DYNC2H1: variants seen among roughly 807,000 people sequenced by gnomAD.
DYNC2H1 encodes the protein cytoplasmic dynein 2 heavy chain 1.
DYNC2H1 carries 410 observed loss-of-function variants against 570.0 expected under a neutral mutation model. That is an observed-to-expected ratio of 0.72 (90% CI 0.66 to 0.78). DYNC2H1 has a LOEUF of 0.78. Among genes scored for constraint, DYNC2H1 ranks in the 30% least tolerant of loss-of-function variants. DYNC2H1 has a pLI of 0.00. For missense variants in DYNC2H1, 4,865 were observed against 5,046.4 expected, an observed-to-expected ratio of 0.96 and a Z score of 1.09; for synonymous variants, 1,688 against 1,677.6, an observed-to-expected ratio of 1.01 and a Z score of -0.15.
rs568460672 is a variant in DYNC2H1 at position 103,164,703 on chromosome 11, A to C, written c.4612-1195A>C. ...GGTTATTTCATAATGTTTGCAGAGC[A>C]CACTTAATTGTCATTACATTTTAGG... On this transcript the variant is annotated intron_variant, in intron 30 of 88. Transcript: ENST00000375735. Among the ~76,000 whole-genome samples, 7 of 152,322 alleles carry C rather than the reference A, an allele frequency of 4.6e-5. No individual in the cohort carries two copies. The South Asian group carries it at 1.4e-3, about 32-fold the overall frequency.
chr11:103,356,526 C>G (rs1940350564), intron 82 of DYNC2H1, among the ~76,000 whole-genome samples: 1 of 152,132 alleles, frequency 6.6e-6, no homozygotes, highest in Non-Finnish European at 1.5e-5. Flanking sequence ...TATTTGTTTT[C>G]TGTCATGTTT....
At chr11:103,229,568 C>T (rs1372379028) in intron 59 of DYNC2H1, among the ~76,000 whole-genome samples, 1 of 152,046 alleles carries the variant, frequency 6.6e-6, no homozygotes, top group African/African-American at 2.4e-5. Context: ...TCCACAGTTT[C>T]TCTGTCAGAG....
chr11:103,255,397 T>C lies in DYNC2H1; in HGVS notation c.10207-18T>C. On this transcript the variant is annotated intron_variant, in intron 66 of 88. Coordinates refer to ENST00000375735, the MANE Select transcript of DYNC2H1 (RefSeq NM_001377.3). Reference sequence around the variant, plus strand: ...AAGCCTTATTGCTAGAATTACCTTGTCTTTTTGTTATCCCAAGCTTTTAGC... The same window carrying C: ...AAGCCTTATTGCTAGAATTACCTTGCCTTTTTGTTATCCCAAGCTTTTAGC... 6.5e-7 allele frequency: 1 copy of C among 1,545,990 alleles called. No homozygotes were observed. Among genetic ancestry groups the C allele is most frequent in the South Asian group, 1.2e-5 (1 of 81,644 alleles).
intron 82 of DYNC2H1, among the ~76,000 whole-genome samples, chr11:103,352,199 C>A (rs1302660315): frequency 6.6e-6 from 1 of 151,918 alleles, no homozygotes; most frequent in African/African-American, 2.4e-5. Flanking sequence ...TTTCAGTGAA[C>A]CAACTTTTGG....
chr11:103,417,652 G>A (rs1282960041), intron 84 of DYNC2H1, among the ~76,000 whole-genome samples: 1 of 111,116 alleles, frequency 9.0e-6, no homozygotes, highest in Non-Finnish European at 1.9e-5. Flanking sequence ...GTCAAGGCAG[G>A]CAGATCAGAG....
chr11:103,364,674 G>C (rs1014426171), intron 83 of DYNC2H1, among the ~76,000 whole-genome samples: 3 of 150,156 alleles, frequency 2.0e-5, no homozygotes, highest in Non-Finnish European at 4.4e-5. Context: ...TCTATAGGTT[G>C]TGGTTCCAAC....
At position 103,239,359 on chromosome 11, in the gene DYNC2H1, C is replaced by T. The variant is rs1352385370; in HGVS notation, c.9819+2820C>T. 1.3e-5 allele frequency among the ~76,000 whole-genome samples: 2 copies of T among 152,204 alleles called. No individual in the cohort carries two copies. Among genetic ancestry groups the T allele is most frequent in the East Asian group, 1.9e-4 (1 of 5,188 alleles). ...CTTCTCCACATAGGAAAAAGTTTTT[C>T]AATCCTTACATAAGTAATAACAATA... On this transcript the variant is annotated intron_variant, in intron 63 of 88. Transcript: ENST00000375735. This position sits in a 1 kb window ranked among gnomAD's most constrained non-coding sequence, Gnocchi z 4.3.
chr11:103,154,520 C>G lies in DYNC2H1; in HGVS notation c.3372C>G (p.Ile1124Met), dbSNP rs774300457. 3.2e-6 allele frequency: 5 copies of G among 1,579,338 alleles called. No homozygotes were observed. In the East Asian group the frequency reaches 1.1e-4, roughly 36 times the overall value. ...FSLASSISKD[I>M]ESCAQIWAFY... The stretch of plus-strand genomic sequence containing the variant: ...TGGCAAGTAGTATCTCTAAAGATAT[C>G]GAGAGCTGTGCCCAAATTTGGGCCT... Residue 1124 changes from isoleucine to methionine, a missense_variant, in exon 23 of 89, where the codon ATC becomes ATG. Physicochemically the swap from Ile to Met is conservative, Grantham distance 10. This residue lies in a region of DYNC2H1 where 1,936 missense variants were observed against 1,962.1 expected (regional missense o/e 0.99). Transcript: ENST00000375735.
chr11:103,165,901 T>A lies in DYNC2H1; in HGVS notation c.4615T>A (p.Leu1539Ile). Residue 1539 changes from leucine to isoleucine, a missense_variant, in exon 31 of 89, where the codon TTA (leucine) becomes ATA (isoleucine). By Grantham distance (5) the Leu-to-Ile change is conservative (BLOSUM62 2). Transcript: ENST00000375735. ...AATTTTTCTCTTTATTCAATAGATT[T>A]TATGCTTGGCGGAGCAGATTAAATT... Reference protein sequence around the residue: ...VDPSLFPSQILCLAEQIKFTE... With the variant: ...VDPSLFPSQIICLAEQIKFTE... 6.8e-7 allele frequency: 1 copy of A among 1,473,278 alleles called. No individual in the cohort carries two copies. The highest frequency in any genetic ancestry group is 9.0e-7 in the Non-Finnish European group (1 of 1,113,644). 91.3% of individuals were successfully genotyped at this position (1,473,278 alleles called of 1,614,324 possible).
chr11:103,287,307 C>T (rs1866389508), intron 74 of DYNC2H1, among the ~76,000 whole-genome samples: 1 of 152,104 alleles, frequency 6.6e-6, no homozygotes, highest in African/African-American at 2.4e-5. Context: ...ACCCTGTTTA[C>T]TTTTGATGAT....
rs1381107603 is a variant in DYNC2H1 at position 103,472,667 on chromosome 11, C to A, written c.12765+3962C>A. Among the ~76,000 whole-genome samples, 1 of 151,892 alleles carries A rather than the reference C, an allele frequency of 6.6e-6. No homozygotes were observed. The highest frequency in any genetic ancestry group is 1.5e-5 in the Non-Finnish European group (1 of 68,000). On this transcript the variant is annotated intron_variant, in intron 88 of 88. Transcript: ENST00000375735. This position sits in a 1 kb window ranked among gnomAD's most constrained non-coding sequence, Gnocchi z 4.1. ...TTATTTGCACTGATTACATACCAAG[C>A]ACTATGCAAGGTGTTTCAAATACAA...
At chr11:103,383,050 C>G (rs1417144710) in intron 83 of DYNC2H1, among the ~76,000 whole-genome samples, 1 of 152,124 alleles carries the variant, frequency 6.6e-6, no homozygotes, top group African/African-American at 2.4e-5. Context: ...CCCCTCGGAG[C>G]CAGACTTAGA....
chr11:103,314,645 A>G, intron 79 of DYNC2H1, among the ~76,000 whole-genome samples: 1 of 151,964 alleles, frequency 6.6e-6, no homozygotes, highest in African/African-American at 2.4e-5. Flanking sequence ...TCACTTTCCC[A>G]CAAAAAAAAA....
intron 36 of DYNC2H1, among the ~76,000 whole-genome samples, chr11:103,175,082 C>T (rs1861747671): frequency 1.3e-5 from 2 of 151,952 alleles, no homozygotes; most frequent in South Asian, 4.2e-4. Flanking sequence ...CTATACTTTC[C>T]TCATATAAAA....
chr11:103,478,218 T>C (rs1430731403), intron 88 of DYNC2H1, among the ~76,000 whole-genome samples: 1 of 152,238 alleles, frequency 6.6e-6, no homozygotes, highest in East Asian at 1.9e-4. Flanking sequence ...CTAGGAAACA[T>C]TCACTGTTTT....
intron 63 of DYNC2H1, among the ~76,000 whole-genome samples, chr11:103,237,487 G>A (rs1185868842): frequency 6.6e-6 from 1 of 151,980 alleles, no homozygotes; most frequent in African/African-American, 2.4e-5. Flanking sequence ...TAGAGAAGTT[G>A]CTGACCACTA....
rs1016461926 is a variant in DYNC2H1, at chr11:103,254,343, G to T, written c.10206+895G>T. Among the ~76,000 whole-genome samples the T allele has an allele frequency of 6.6e-6, 1 of 152,142 alleles. No individual in the cohort carries two copies. Among genetic ancestry groups the T allele is most frequent in the Non-Finnish European group, 1.5e-5 (1 of 68,012 alleles). On this transcript the variant is annotated intron_variant, in intron 66 of 88. Transcript: ENST00000375735. The surrounding 1 kb of genome is among the most constrained non-coding windows in gnomAD (Gnocchi z 4.9). ...GAGCTATGTAGGTCTTACTTAGCAA[G>T]AACTAAATGAAGATGCTTATACAGC...
chr11:103,259,472 C>A (rs1865183114), intron 69 of DYNC2H1, among the ~76,000 whole-genome samples: 1 of 152,060 alleles, frequency 6.6e-6, no homozygotes, highest in African/African-American at 2.4e-5. Flanking sequence ...GATTTAAGAT[C>A]ATTGAGGTTC....
chr11:103,274,094 A>T (rs1427588202), intron 70 of DYNC2H1, among the ~76,000 whole-genome samples: 1 of 151,962 alleles, frequency 6.6e-6, no homozygotes, highest in Non-Finnish European at 1.5e-5. Context: ...GGCTAAAATA[A>T]ATGTAGTAGT....
Sources: gnomAD v4.1 joint callset for allele counts (sites outside exome capture counted in the v4.1 genomes callset) on GRCh38, gnomAD v4.1.1 for gene constraint, gnomAD v4.1.1 regional missense constraint, Gnocchi (gnomAD v3.1) non-coding constraint, MANE v1.5 for transcripts, NCBI Gene and HGNC (gene_info 2026-07-23, HGNC 2026-07-21) for gene names.